Variants in NAALADL2 observed in about 807,000 individuals in gnomAD.
NAALADL2 encodes the protein inactive N-acetylated-alpha-linked acidic dipeptidase-like protein 2.
Under a neutral mutation model 87.2 loss-of-function variants are expected in NAALADL2, and 76 were observed. The ratio of observed to expected loss-of-function variants is 0.87; its 90% CI spans 0.72 to 1.05. NAALADL2 has a LOEUF of 1.05. Ranked by LOEUF, NAALADL2 falls within the 50% of genes least tolerant of loss-of-function variation. The pLI is 0.00. For missense variants in NAALADL2, 1,089 were observed against 945.8 expected, an observed-to-expected ratio of 1.15 and a Z score of -1.99; for synonymous variants, 354 against 331.0, an observed-to-expected ratio of 1.07 and a Z score of -0.75.
At chr3:175,196,726 C>G (rs1424810416) in intron 2 of NAALADL2, among the ~76,000 whole-genome samples, 1 of 151,922 alleles carries the variant, frequency 6.6e-6, no homozygotes, top group Non-Finnish European at 1.5e-5. Flanking sequence ...GAGGTTTTTG[C>G]ACCTGCTGGC....
chr3:175,524,764 C>T (rs1582250047), intron 9 of NAALADL2, among the ~76,000 whole-genome samples: 1 of 152,036 alleles, frequency 6.6e-6, no homozygotes, highest in East Asian at 1.9e-4. Context: ...GTATTTTTCT[C>T]AATAAGTTAA....
chr3:175,727,698 G>A (rs952320320), intron 11 of NAALADL2, among the ~76,000 whole-genome samples: 7 of 152,130 alleles, frequency 4.6e-5, no homozygotes, highest in Non-Finnish European at 1.0e-4. Context: ...ATTCCTAAAA[G>A]GTTAGAGATT....
intron 1 of NAALADL2, among the ~76,000 whole-genome samples, chr3:175,024,069 T>G (rs1054143177): frequency 2.6e-5 from 4 of 152,016 alleles, no homozygotes; most frequent in African/African-American, 9.7e-5. Flanking sequence ...CTTCTACCCT[T>G]TAGTTTTTTC....
intron 1 of NAALADL2, among the ~76,000 whole-genome samples, chr3:174,926,450 A>G (rs1736050240): frequency 1.3e-5 from 2 of 152,204 alleles, no homozygotes; most frequent in South Asian, 4.1e-4. Context: ...AAGGGCAGCC[A>G]GAGAGAAAGG....
At chr3:175,198,324 T>C (rs1739317126) in intron 2 of NAALADL2, among the ~76,000 whole-genome samples, 1 of 152,052 alleles carries the variant, frequency 6.6e-6, no homozygotes, top group Non-Finnish European at 1.5e-5. Context: ...ATTTTTAATG[T>C]TTAAAAGTCC....
chr3:175,158,255 T>C, intron 2 of NAALADL2, among the ~76,000 whole-genome samples: 1 of 152,088 alleles, frequency 6.6e-6, no homozygotes, highest in East Asian at 1.9e-4. Flanking sequence ...ACGGATTTTT[T>C]GCCCTCATTT....
intron 3 of NAALADL2, among the ~76,000 whole-genome samples, chr3:174,826,338 G>C (rs1397872020): frequency 1.3e-5 from 2 of 152,084 alleles, no homozygotes; most frequent in Non-Finnish European, 2.9e-5. Context: ...TTGAATTTTG[G>C]CTCTGTTATT....
chr3:175,078,609 C>T (rs1717108382), intron 1 of NAALADL2, among the ~76,000 whole-genome samples: 4 of 152,100 alleles, frequency 2.6e-5, no homozygotes, highest in Admixed American at 2.0e-4. Context: ...TTTTCCTGCC[C>T]CAGCCCCATG....
chr3:174,915,494 T>A (rs1027163236), intron 1 of NAALADL2, among the ~76,000 whole-genome samples: 3 of 152,198 alleles, frequency 2.0e-5, no homozygotes, highest in African/African-American at 7.2e-5. Flanking sequence ...AGACAGGTTT[T>A]GAGCCCATGT....
At chr3:174,477,800 G>C (rs1717302176) in intron 1 of NAALADL2, among the ~76,000 whole-genome samples, 1 of 152,104 alleles carries the variant, frequency 6.6e-6, no homozygotes, top group African/African-American at 2.4e-5. Flanking sequence ...TTAGCTTCTT[G>C]GTTTACAGAT....
chr3:174,849,106 T>C (rs1045889868), intron 3 of NAALADL2, among the ~76,000 whole-genome samples: 4 of 152,174 alleles, frequency 2.6e-5, no homozygotes, highest in Admixed American at 2.0e-4. Context: ...GAGTTGGAAG[T>C]TGTTCTGCGT....
chr3:175,280,883 A>G (rs957115369), intron 4 of NAALADL2, among the ~76,000 whole-genome samples: 2 of 151,992 alleles, frequency 1.3e-5, no homozygotes, highest in African/African-American at 2.4e-5. Context: ...ACATCAGCGT[A>G]TAAGTTTAAA....
chr3:175,273,741 T>G (rs950416386), intron 4 of NAALADL2, among the ~76,000 whole-genome samples: 3 of 151,994 alleles, frequency 2.0e-5, no homozygotes, highest in Admixed American at 1.3e-4. Context: ...TGCGTGTGTG[T>G]GTGTGTGTTA....
intron 13 of NAALADL2, among the ~76,000 whole-genome samples, chr3:175,782,952 T>G: frequency 6.8e-6 from 1 of 147,710 alleles, no homozygotes; most frequent in African/African-American, 2.6e-5. Flanking sequence ...GCACCATTTA[T>G]TAAATAGGGA....
At chr3:175,783,406 T>C (rs1276953664) in intron 13 of NAALADL2, among the ~76,000 whole-genome samples, 1 of 151,188 alleles carries the variant, frequency 6.6e-6, no homozygotes, top group African/African-American at 2.5e-5. Flanking sequence ...TAGTTCTCCT[T>C]GAAGAGGTCC....
chr3:174,746,286 A>G (rs894593587), intron 3 of NAALADL2, among the ~76,000 whole-genome samples: 2 of 152,142 alleles, frequency 1.3e-5, no homozygotes, highest in Non-Finnish European at 2.9e-5. Flanking sequence ...TACACCAACA[A>G]TGAACAAGCA....
intron 4 of NAALADL2, among the ~76,000 whole-genome samples, chr3:175,314,167 G>C (rs1393168001): frequency 2.7e-5 from 4 of 150,814 alleles, no homozygotes; most frequent in Non-Finnish European, 4.4e-5. Context: ...TTACTGCCGT[G>C]TCCTGCCCAT....
chr3:174,641,395 A>T (rs1052316799), intron 2 of NAALADL2, among the ~76,000 whole-genome samples: 1 of 152,136 alleles, frequency 6.6e-6, no homozygotes, highest in African/African-American at 2.4e-5. Flanking sequence ...GACTCACAGG[A>T]CTTAGCCTGT....
At chr3:175,801,199 G>C (rs1037509762) in intron 13 of NAALADL2, among the ~76,000 whole-genome samples, 21 of 152,076 alleles carry the variant, frequency 1.4e-4, no homozygotes, top group African/African-American at 4.8e-4. Context: ...CTTTCATCTG[G>C]ACTAAGTGGT....
Sources: allele counts gnomAD v4.1 joint callset (sites outside exome capture counted in the v4.1 genomes callset), GRCh38; gene constraint gnomAD v4.1.1; transcripts MANE v1.5; gene names NCBI Gene and HGNC (gene_info 2026-07-23, HGNC 2026-07-21).